Variants in EVI5 observed in about 807,000 individuals in gnomAD.
EVI5 encodes the protein ecotropic viral integration site 5, also known as ecotropic viral integration site 5 protein homolog.
EVI5 carries 73 observed loss-of-function variants against 112.0 expected under a neutral mutation model. That is an observed-to-expected ratio of 0.65 (90% CI 0.54 to 0.79). The LOEUF (loss-of-function observed/expected upper bound fraction) is 0.79. Ranked by LOEUF, EVI5 falls within the 30% of genes least tolerant of loss-of-function variation. The pLI is 0.00. For missense variants in EVI5, 900 were observed against 968.8 expected, an observed-to-expected ratio of 0.93 and a Z score of 0.94; for synonymous variants, 305 against 319.9, an observed-to-expected ratio of 0.95 and a Z score of 0.50.
intron 10 of EVI5, among the ~76,000 whole-genome samples, chr1:92,673,901 TAATTA>T (rs1340363001): frequency 6.6e-6 from 1 of 152,186 alleles, no homozygotes; most frequent in African/African-American, 2.4e-5. Context: ...TCTTATAATT[TAATTA>T]AAGTAAAAAC....
chr1:92,560,609 G>A (rs779562801), intron 19 of EVI5, among the ~76,000 whole-genome samples: 61 of 151,914 alleles, frequency 4.0e-4, no homozygotes, highest in Admixed American at 6.6e-4. Context: ...GAGTGCAGTG[G>A]TGATCACGTT....
At chr1:92,792,261 C>A in intron 1 of EVI5, 1 of 883,246 alleles carries the variant, frequency 1.1e-6, no homozygotes, top group South Asian at 1.4e-5. Context: ...CAAATCCTAA[C>A]TCAATAACAA....
intron 19 of EVI5, among the ~76,000 whole-genome samples, chr1:92,561,830 G>A (rs189001433): frequency 6.6e-6 from 1 of 151,986 alleles, no homozygotes; most frequent in East Asian, 1.9e-4. Context: ...AGAGATAGGG[G>A]TTTCACCATG....
chr1:92,695,760 T>C (rs1450116308), intron 6 of EVI5, among the ~76,000 whole-genome samples: 1 of 152,136 alleles, frequency 6.6e-6, no homozygotes, highest in Non-Finnish European at 1.5e-5. Flanking sequence ...TTCTATACTC[T>C]TCTATCAACT....
At chr1:92,590,004 G>C (rs1046713955) in intron 18 of EVI5, among the ~76,000 whole-genome samples, 1 of 152,184 alleles carries the variant, frequency 6.6e-6, no homozygotes, top group Admixed American at 6.5e-5. Flanking sequence ...CAGGCAAACA[G>C]GGTCTGGAGT....
At chr1:92,621,991 GGC>G (rs1238437300) in intron 16 of EVI5, among the ~76,000 whole-genome samples, 2 of 151,786 alleles carry the variant, frequency 1.3e-5, no homozygotes, top group Admixed American at 1.3e-4. Flanking sequence ...CGTGGTAGTG[GGC>G]GCCTGTAATC....
intron 2 of EVI5, among the ~76,000 whole-genome samples, chr1:92,734,749 T>C (rs1677060593): frequency 6.6e-6 from 1 of 152,166 alleles, no homozygotes; most frequent in African/African-American, 2.4e-5. Context: ...GGGGGAAGAA[T>C]TTGAAAGTCA....
intron 19 of EVI5, among the ~76,000 whole-genome samples, chr1:92,562,380 A>C (rs1364737222): frequency 2.0e-5 from 3 of 152,034 alleles, no homozygotes; most frequent in African/African-American, 4.8e-5. Flanking sequence ...AAATACAAAA[A>C]ATTAGCCAGC....
chr1:92,536,823 T>C lies in EVI5; in HGVS notation c.2167-22853A>G, dbSNP rs1018323113. 3.9e-5 allele frequency among the ~76,000 whole-genome samples: 6 copies of C among 152,304 alleles called. No individual in the cohort carries two copies. The East Asian group carries it at 5.8e-4, about 15-fold the overall frequency. On this transcript the variant is annotated intron_variant, in intron 19 of 19. Coordinates refer to ENST00000684568, the MANE Select transcript of EVI5 (RefSeq NM_001350197.2). ...GTGTCTGCTTTCTTTTAGCACATCA[T>C]AGGACACTGGTAACTTAAAAAATTA...
intron 2 of EVI5, among the ~76,000 whole-genome samples, chr1:92,706,728 T>C (rs1429990692): frequency 6.6e-6 from 1 of 152,180 alleles, no homozygotes; most frequent in East Asian, 1.9e-4. Flanking sequence ...AACATTGAAA[T>C]AGCACATCCA....
chr1:92,746,620 G>A (rs1679286404), intron 1 of EVI5, among the ~76,000 whole-genome samples: 1 of 152,116 alleles, frequency 6.6e-6, no homozygotes, highest in African/African-American at 2.4e-5. Context: ...CACCTACTTG[G>A]GAGGCTGAGG....
chr1:92,687,149 G>C (rs1046960354), intron 9 of EVI5, among the ~76,000 whole-genome samples: 1 of 152,068 alleles, frequency 6.6e-6, no homozygotes, highest in Non-Finnish European at 1.5e-5. Context: ...ATACTACAAG[G>C]CTACAGTAAC....
At chr1:92,575,819 C>T (rs1670994051) in intron 18 of EVI5, among the ~76,000 whole-genome samples, 1 of 152,028 alleles carries the variant, frequency 6.6e-6, no homozygotes, top group Non-Finnish European at 1.5e-5. Context: ...TCACTTCAGC[C>T]TCCCAAAGTG....
intron 18 of EVI5, among the ~76,000 whole-genome samples, chr1:92,600,456 C>A (rs2151575): frequency 0.086 from 13,156 of 152,152 alleles, 1,602 homozygotes; most frequent in African/African-American, 0.27. Context: ...AATTATTAAA[C>A]CATTTAGAAA....
At chr1:92,632,251 G>A (rs1014699221) in intron 14 of EVI5, among the ~76,000 whole-genome samples, 12 of 152,280 alleles carry the variant, frequency 7.9e-5, no homozygotes, top group Non-Finnish European at 1.5e-4. Flanking sequence ...GTTTCAGTAG[G>A]TATGGTACCA....
At chr1:92,708,801 A>G (rs1672408842) in intron 2 of EVI5, among the ~76,000 whole-genome samples, 1 of 152,184 alleles carries the variant, frequency 6.6e-6, no homozygotes, top group Non-Finnish European at 1.5e-5. Flanking sequence ...ATTCTGATAC[A>G]CACTATGACA....
At chr1:92,692,525 G>A (rs745900911) in intron 9 of EVI5, among the ~76,000 whole-genome samples, 3 of 152,058 alleles carry the variant, frequency 2.0e-5, no homozygotes, top group Admixed American at 6.6e-5. Context: ...CTCAAAAATC[G>A]GCTTGGCTTG....
chr1:92,633,686 T>C (rs28966679), intron 14 of EVI5, among the ~76,000 whole-genome samples: 4 of 152,222 alleles, frequency 2.6e-5, no homozygotes, highest in Non-Finnish European at 1.5e-5. Flanking sequence ...AAGGTTAATA[T>C]TGTTATGTGT....
chr1:92,756,568 G>A, intron 1 of EVI5: 1 of 513,784 alleles, frequency 1.9e-6, no homozygotes, highest in Non-Finnish European at 4.0e-6. Flanking sequence ...TGATAATGAT[G>A]TGAAAGAAGC....
Sources: allele counts gnomAD v4.1 joint callset (sites outside exome capture counted in the v4.1 genomes callset), GRCh38; gene constraint gnomAD v4.1.1; transcripts MANE v1.5; gene names NCBI Gene and HGNC (gene_info 2026-07-23, HGNC 2026-07-21).